UNC79: variants seen among roughly 807,000 people sequenced by gnomAD.
UNC79 encodes the protein protein unc-79 homolog.
In UNC79, 37 loss-of-function variants were observed where a neutral mutation model predicts 283.1. The ratio of observed to expected loss-of-function variants is 0.13; its 90% CI spans 0.10 to 0.17. The LOEUF is 0.17. Ranked by LOEUF, UNC79 falls within the 10% of genes least tolerant of loss-of-function variation. The pLI is 1.00. For synonymous variants in UNC79, 1,107 were observed against 1,200.2 expected (o/e 0.92, Z 1.61); for missense variants, 2,272 against 3,211.1 (o/e 0.71, Z 7.07).
Position 93,373,640 on chromosome 14 carries a change from GC to G in UNC79, c.-351+40120del, listed in dbSNP as rs1266799293. Among the ~76,000 whole-genome samples the G allele has an allele frequency of 2.6e-5, 4 of 152,234 alleles. No individual in the cohort carries two copies. The South Asian group carries it at 8.3e-4, about 32-fold the overall frequency. On this transcript the variant is annotated intron_variant, in intron 1 of 49. Coordinates refer to the UNC79 transcript ENST00000256339. ...TAACCTGCAAAATAGAAAACACCAA[GC>G]CCAGATGTCTTCACAGGTGAATTCT...
At chr14:93,540,889 T>C (rs1206885315) in intron 13 of UNC79, 58 bp downstream of exon 13, 82 of 1,600,818 alleles carry the variant, frequency 5.1e-5, no homozygotes, top group Non-Finnish European at 6.8e-5. Flanking sequence ...AAAATTGTAC[T>C]GAAGAGGAAT....
chr14:93,504,498 C>T (rs1200352130), intron 7 of UNC79, among the ~76,000 whole-genome samples: 1 of 151,694 alleles, frequency 6.6e-6, no homozygotes, highest in Non-Finnish European at 1.5e-5. Context: ...TTTATTTAGG[C>T]TTTTTTAAGT....
At chr14:93,678,341 C>T (rs555656688) in intron 41 of UNC79, among the ~76,000 whole-genome samples, 1 of 152,318 alleles carries the variant, frequency 6.6e-6, no homozygotes, top group East Asian at 1.9e-4. Flanking sequence ...ACACTGGTCC[C>T]CATGCTGAAA....
intron 40 of UNC79, among the ~76,000 whole-genome samples, chr14:93,671,758 G>A (rs557017564): frequency 6.6e-6 from 1 of 152,170 alleles, no homozygotes; most frequent in African/African-American, 2.4e-5. Flanking sequence ...GGCAACAAGA[G>A]TGAAACCCTG....
chr14:93,418,526 T>C (rs1467226101), intron 1 of UNC79, among the ~76,000 whole-genome samples: 1 of 151,774 alleles, frequency 6.6e-6, no homozygotes, highest in African/African-American at 2.4e-5. Context: ...AGCTGCATGC[T>C]GGGAGAACCA....
At chr14:93,592,395 C>T (rs992849328) in intron 22 of UNC79, among the ~76,000 whole-genome samples, 6 of 151,904 alleles carry the variant, frequency 3.9e-5, no homozygotes, top group South Asian at 2.1e-4. Context: ...AGGATGGTCT[C>T]GATCTCCTGA....
At chr14:93,393,922 C>G (rs1006651781) in intron 1 of UNC79, among the ~76,000 whole-genome samples, 1 of 151,786 alleles carries the variant, frequency 6.6e-6, no homozygotes, top group African/African-American at 2.4e-5. Context: ...AAATATTACT[C>G]TTATGATTAT....
intron 1 of UNC79, among the ~76,000 whole-genome samples, chr14:93,357,955 CTATA>C: frequency 8.1e-6 from 1 of 123,522 alleles, no homozygotes; most frequent in Non-Finnish European, 1.6e-5. Flanking sequence ...AGATATATAT[CTATA>C]TATATCCATA....
intron 1 of UNC79, chr14:93,347,940 A>G (rs1319058120): frequency 1.2e-6 from 1 of 802,836 alleles, no homozygotes. Context: ...TAGGTGCTCA[A>G]AATGTTTTTT....
In UNC79 at chr14:93,356,113, C is replaced by T. The variant is rs558946014; in HGVS notation, c.-351+22590C>T. On this transcript the variant is annotated intron_variant, in intron 1 of 49. Coordinates refer to the UNC79 transcript ENST00000256339. ...TGCGATTTAGGCTCACTGCAACCTC[C>T]GCCTCCCGGGTTCAAGCAATTCTCC... is the stretch of plus-strand genomic sequence containing the variant. Among the ~76,000 whole-genome samples the T allele has an allele frequency of 1.1e-3, 172 of 151,394 alleles. 1 individual carries two copies. The highest frequency in any genetic ancestry group is 4.1e-3 in the African/African-American group (168 of 41,164).
chr14:93,672,401 T>G (rs1343394280), intron 40 of UNC79, among the ~76,000 whole-genome samples: 2 of 152,146 alleles, frequency 1.3e-5, no homozygotes, highest in Non-Finnish European at 2.9e-5. Flanking sequence ...TTAAGTGAAA[T>G]AATCCAGGCA....
chr14:93,508,383 G>GCAA (rs1033929141), intron 7 of UNC79, among the ~76,000 whole-genome samples: 44 of 152,002 alleles, frequency 2.9e-4, no homozygotes, highest in Non-Finnish European at 5.6e-4. Context: ...AGCAGTAGCA[G>GCAA]CAACAACAAC....
intron 46 of UNC79, among the ~76,000 whole-genome samples, chr14:93,693,848 G>A (rs935365172): frequency 1.6e-4 from 24 of 152,138 alleles, no homozygotes; most frequent in Admixed American, 1.6e-3. Flanking sequence ...TGTATCTGGT[G>A]CTTTCTCTAA....
At chr14:93,464,163 A>G (rs550469487) in intron 1 of UNC79, among the ~76,000 whole-genome samples, 1 of 152,288 alleles carries the variant, frequency 6.6e-6, no homozygotes, top group African/African-American at 2.4e-5. Context: ...AAAACAAAAC[A>G]AAACAAAAAA....
intron 14 of UNC79, among the ~76,000 whole-genome samples, chr14:93,554,183 A>G (rs2062037970): frequency 6.6e-6 from 1 of 152,060 alleles, no homozygotes; most frequent in South Asian, 2.1e-4. Context: ...CCCCATCTCC[A>G]CTAAAAATAC....
chr14:93,456,190 G>A (rs934618992), intron 1 of UNC79, among the ~76,000 whole-genome samples: 12 of 151,884 alleles, frequency 7.9e-5, no homozygotes, highest in African/African-American at 2.9e-4. Flanking sequence ...ATGAGGGAAG[G>A]GAGCATATGG....
chr14:93,612,789 A>G lies in UNC79; in HGVS notation c.3755-8A>G, dbSNP rs1290346919. On this transcript the variant is annotated splice_polypyrimidine_tract_variant and splice_region_variant and intron_variant, in intron 26 of 48. Transcript: ENST00000555664. ...GCCACCCACTGACAGCCTTTCTTCT[A>G]CTGACAGGACAACAATCTCCTGAGA... 1.9e-6 allele frequency: 3 copies of G among 1,609,964 alleles called. No individual in the cohort carries two copies. The highest frequency in any genetic ancestry group is 2.5e-6 in the Non-Finnish European group (3 of 1,176,744).
intron 33 of UNC79, among the ~76,000 whole-genome samples, chr14:93,642,424 C>CAAAAAAA (rs5810634): frequency 9.4e-6 from 1 of 106,174 alleles, no homozygotes; most frequent in African/African-American, 3.7e-5. Flanking sequence ...GACTCCATCT[C>CAAAAAAA]AAAAAAAAAA....
chr14:93,496,525 A>T (rs1333702115), intron 6 of UNC79, 59 bp downstream of exon 6: 3 of 1,230,478 alleles, frequency 2.4e-6, no homozygotes. Context: ...AATACAGTAA[A>T]AACTGTTTAC....
Sources: allele counts gnomAD v4.1 joint callset (sites outside exome capture counted in the v4.1 genomes callset), GRCh38; gene constraint gnomAD v4.1.1; transcripts MANE v1.5; gene names NCBI Gene and HGNC (gene_info 2026-07-23, HGNC 2026-07-21).